ARHGAP44: variants seen among roughly 807,000 people sequenced by gnomAD.
ARHGAP44 encodes the protein rho GTPase-activating protein 44.
Under a neutral mutation model 106.8 loss-of-function variants are expected in ARHGAP44, and 43 were observed. The ratio of observed to expected loss-of-function variants is 0.40; its 90% CI spans 0.32 to 0.52. The LOEUF is 0.52. Ranked by LOEUF, ARHGAP44 falls within the 20% of genes least tolerant of loss-of-function variation. The pLI is 0.48. For missense variants in ARHGAP44, 866 were observed against 1,050.5 expected (o/e 0.82, Z 2.43); for synonymous variants, 439 against 410.3 (o/e 1.07, Z -0.85).
intron 1 of ARHGAP44, among the ~76,000 whole-genome samples, chr17:12,792,868 C>T (rs1054519723): frequency 3.3e-5 from 5 of 152,174 alleles, no homozygotes; most frequent in Admixed American, 6.5e-5. Context: ...ATATTAAGGG[C>T]GTCAGCGACT....
chr17:12,943,460 T>C (rs1179758527), intron 8 of ARHGAP44, 128 bp from the exon 9 acceptor site: 4 of 744,960 alleles, frequency 5.4e-6, no homozygotes, highest in Non-Finnish European at 9.3e-6. Context: ...TTAGGTAGAT[T>C]GGAGGAGGGA....
At chr17:12,886,634 T>C (rs2036888750) in intron 1 of ARHGAP44, among the ~76,000 whole-genome samples, 1 of 152,188 alleles carries the variant, frequency 6.6e-6, no homozygotes, top group East Asian at 1.9e-4. Context: ...TTTATTTTTG[T>C]ATGTTTATCT....
chr17:12,969,849 G>C (rs75714269), intron 16 of ARHGAP44, among the ~76,000 whole-genome samples: 15,757 of 152,170 alleles, frequency 0.1, 927 homozygotes, highest in South Asian at 0.2. Context: ...GCCGGAAACA[G>C]GAAGGGAGGT....
intron 1 of ARHGAP44, among the ~76,000 whole-genome samples, chr17:12,808,275 G>A (rs552651284): frequency 3.7e-4 from 56 of 152,308 alleles, no homozygotes; most frequent in African/African-American, 1.3e-3. Flanking sequence ...TCTGGATGAC[G>A]GTGGCCCTCT....
At chr17:12,942,923 G>A (rs187419082) in intron 8 of ARHGAP44, among the ~76,000 whole-genome samples, 122 of 152,256 alleles carry the variant, frequency 8.0e-4, no homozygotes, top group African/African-American at 2.8e-3. Context: ...CACCTCCAGG[G>A]TATTTGAAGA....
rs570006406 is a variant in ARHGAP44, at chr17:12,979,421, A to G, written c.1764-637A>G. 6.6e-5 allele frequency among the ~76,000 whole-genome samples: 10 copies of G among 152,106 alleles called. No individual in the cohort carries two copies. The South Asian group carries it at 2.1e-3, about 32-fold the overall frequency. On this transcript the variant is annotated intron_variant, in intron 18 of 20. Transcript: ENST00000379672. ...AGAGCCCTCACTGCCATCGACCTTCACCTCTCTTGAAGCCTGGGACTGGGA... is the reference window on the plus strand; with the variant it reads ...AGAGCCCTCACTGCCATCGACCTTCGCCTCTCTTGAAGCCTGGGACTGGGA...
intron 1 of ARHGAP44, among the ~76,000 whole-genome samples, chr17:12,866,456 T>C (rs931218725): frequency 6.6e-6 from 1 of 152,124 alleles, no homozygotes; most frequent in Non-Finnish European, 1.5e-5. Context: ...CACAGTTGCC[T>C]AACTTCATGT....
chr17:12,826,603 A>G (rs1049685505), intron 1 of ARHGAP44, among the ~76,000 whole-genome samples: 1 of 152,102 alleles, frequency 6.6e-6, no homozygotes, highest in Non-Finnish European at 1.5e-5. Context: ...TGAATATTCT[A>G]TTTCTAAAAC....
At chr17:12,960,206 A>G (rs1478044971) in intron 16 of ARHGAP44, among the ~76,000 whole-genome samples, 1 of 152,216 alleles carries the variant, frequency 6.6e-6, no homozygotes, top group African/African-American at 2.4e-5. Flanking sequence ...GGAGAAAGAA[A>G]AAAAAAGGAA....
rs539815110 is a variant in ARHGAP44 at position 12,981,374 on chromosome 17, T to A, written c.1939+1141T>A. Among the ~76,000 whole-genome samples the A allele has an allele frequency of 4.0e-5, 6 of 151,158 alleles. No homozygotes were observed. The South Asian group carries it at 1.3e-3, about 32-fold the overall frequency. On this transcript the variant is annotated intron_variant, in intron 19 of 20. Transcript: ENST00000379672. ...TCCAGCACCAATGGTTTCTCCTTGG[T>A]CTAGATGCCATATTCTTGGTTATGT...
intron 10 of ARHGAP44, among the ~76,000 whole-genome samples, chr17:12,946,478 TAA>T (rs71144938): frequency 4.5e-5 from 6 of 134,582 alleles, no homozygotes; most frequent in Non-Finnish European, 6.3e-5. Flanking sequence ...AGATGCTCTC[TAA>T]AAAAAAAAAA....
intron 16 of ARHGAP44, among the ~76,000 whole-genome samples, chr17:12,962,159 GGTAAAATT>G (rs1169445860): frequency 6.6e-6 from 1 of 152,002 alleles, no homozygotes; most frequent in Non-Finnish European, 1.5e-5. Context: ...AGAAAAACTG[GGTAAAATT>G]GCAAAGAAAT....
intron 3 of ARHGAP44, among the ~76,000 whole-genome samples, chr17:12,908,016 AGTGAGGTCTT>A (rs1381370610): frequency 2.6e-5 from 4 of 151,974 alleles, no homozygotes; most frequent in African/African-American, 4.8e-5. Flanking sequence ...GTGAGTGTAA[AGTGAGGTCTT>A]GATTGGGGTT....
In ARHGAP44 at chr17:12,825,445, A is replaced by T. The variant is rs377397934; in HGVS notation, c.53+35554A>T. On this transcript the variant is annotated intron_variant, in intron 1 of 20. Coordinates refer to ENST00000379672, the MANE Select transcript of ARHGAP44 (RefSeq NM_014859.6). ...GTGTGTGTGTGTGTGTGTGTGCATT[A>T]TAGAGAGAGAGAGATTGATTGATTT... 2.0e-3 allele frequency among the ~76,000 whole-genome samples: 304 copies of T among 149,152 alleles called. 1 individual carries two copies. The highest frequency in any genetic ancestry group is 7.2e-3 in the African/African-American group (284 of 39,626).
intron 1 of ARHGAP44, among the ~76,000 whole-genome samples, chr17:12,855,882 G>A (rs569420549): frequency 3.3e-5 from 5 of 152,260 alleles, no homozygotes; most frequent in South Asian, 2.1e-4. Context: ...TTTGAAATGC[G>A]TTGGGCAGGG....
In ARHGAP44 at chr17:12,789,719, C is replaced by A. The variant is rs1043805478; in HGVS notation, c.-120C>A. The A allele has an allele frequency of 1.9e-5, 17 of 912,312 alleles. No homozygotes were observed. Among genetic ancestry groups the A allele is most frequent in the East Asian group, 3.4e-5 (1 of 29,242 alleles). The allele number at this position is 912,312 out of a possible 1,614,324, so 56.5% of individuals were successfully genotyped here. ...GCGCGGGCCAGACGGCGCCCGGAGG[C>A]TCCGCAGTGCCGCCGCCGTCGCCCG... On this transcript the variant is annotated 5_prime_UTR_variant, in exon 1 of 21. Coordinates refer to ENST00000379672, the MANE Select transcript of ARHGAP44 (RefSeq NM_014859.6).
At chr17:12,926,413 A>ATTGT (rs1567690956) in intron 6 of ARHGAP44, among the ~76,000 whole-genome samples, 3 of 143,288 alleles carry the variant, frequency 2.1e-5, no homozygotes, top group African/African-American at 7.5e-5. Context: ...GTATATATAT[A>ATTGT]ATATATATGT....
chr17:12,895,544 A>AT (rs747511972), intron 2 of ARHGAP44, among the ~76,000 whole-genome samples: 1 of 151,922 alleles, frequency 6.6e-6, no homozygotes, highest in African/African-American at 2.4e-5. Flanking sequence ...GGGTTGTTTG[A>AT]TTTTTTCTTG....
At chr17:12,987,961 C>G (rs1221842023) in intron 20 of ARHGAP44, 1 of 152,176 alleles carries the variant, frequency 6.6e-6, no homozygotes, top group Non-Finnish European at 1.5e-5. Context: ...GTAGGGGTGG[C>G]CAAAGCAAAC....
Sources: gnomAD v4.1 joint callset for allele counts (sites outside exome capture counted in the v4.1 genomes callset) on GRCh38, gnomAD v4.1.1 for gene constraint, MANE v1.5 for transcripts, NCBI Gene and HGNC (gene_info 2026-07-23, HGNC 2026-07-21) for gene names.